Variants in RPGRIP1 observed in about 807,000 individuals in gnomAD.
RPGRIP1 encodes RPGR interacting protein 1, also known as X-linked retinitis pigmentosa GTPase regulator-interacting protein 1.
Under a neutral mutation model 157.9 loss-of-function variants are expected in RPGRIP1, and 128 were observed. That is an observed-to-expected ratio of 0.81 (90% confidence interval 0.70 to 0.94). RPGRIP1 has a LOEUF of 0.94. Among genes scored for constraint, RPGRIP1 ranks in the 40% least tolerant of loss-of-function variants. RPGRIP1 has a pLI of 0.00. For missense variants in RPGRIP1, 1,486 were observed against 1,545.8 expected (o/e 0.96, Z 0.65); for synonymous variants, 554 against 571.6 (o/e 0.97, Z 0.44).
chr14:21,319,932 G>A, intron 11 of RPGRIP1, 85 bp from the exon 12 acceptor site: 1 of 1,236,196 alleles, frequency 8.1e-7, no homozygotes, highest in East Asian at 2.5e-5. Context: ...ACCTTAGTGG[G>A]AAGATTAAAT....
chr14:21,281,867 G>A (rs1032082366), intron 1 of RPGRIP1, among the ~76,000 whole-genome samples: 1 of 151,838 alleles, frequency 6.6e-6, no homozygotes, highest in Non-Finnish European at 1.5e-5. Context: ...GACCGAGGCT[G>A]GCGGATCCCA....
intron 19 of RPGRIP1, among the ~76,000 whole-genome samples, chr14:21,329,119 G>A (rs895863770): frequency 7.6e-6 from 1 of 131,586 alleles, no homozygotes; most frequent in Non-Finnish European, 1.5e-5. Context: ...ACTCCAGCCT[G>A]AGCAACAAGT....
rs538060172 is a variant in RPGRIP1, at chr14:21,281,695, A to T, written c.-39+1536A>T. Among the ~76,000 whole-genome samples, 316 of 111,816 alleles carry T rather than the reference A, an allele frequency of 2.8e-3. 1 individual carries two copies. Among genetic ancestry groups the T allele is most frequent in the Non-Finnish European group, 4.4e-3 (238 of 54,198 alleles). 73.4% of individuals were successfully genotyped at this position (111,816 alleles called of 152,430 possible). On this transcript the variant is annotated intron_variant, in intron 1 of 24. Transcript: ENST00000400017. Reference sequence around the variant, plus strand: ...CAGAGTGAGACCTTGTCTCAAAAAAAAAAAAAATAAATAATAATAATAATA... The same window carrying T: ...CAGAGTGAGACCTTGTCTCAAAAAATAAAAAAATAAATAATAATAATAATA...
In RPGRIP1 at chr14:21,351,141, G is replaced by A. The variant is rs1479887241; in HGVS notation, c.3786G>A (p.Arg1262=). The change falls in exon 25 of 25, where the codon AGG becomes AGA. Residue 1262 remains arginine, a synonymous_variant. Transcript: ENST00000400017. ...SPEDLATPIG[R]LKVSLQAAAV... is the part of the protein sequence containing the mutation. ...AAGATCTGGCTACCCCAATAGGAAG[G>A]CTGAAGGTTTCCCTTCAAGCAGCTG... 2 of 1,612,362 alleles carry A rather than the reference G, an allele frequency of 1.2e-6. No individual in the cohort carries two copies. Among genetic ancestry groups the A allele is most frequent in the Non-Finnish European group, 1.7e-6 (2 of 1,179,132 alleles).
intron 3 of RPGRIP1, among the ~76,000 whole-genome samples, chr14:21,295,722 T>A (rs1443845634): frequency 2.0e-5 from 3 of 151,952 alleles, no homozygotes; most frequent in African/African-American, 4.8e-5. Flanking sequence ...GTGATCCGCC[T>A]GCCTCGGCCT....
intron 2 of RPGRIP1, 86 bp downstream of exon 2, chr14:21,288,147 A>G: frequency 1.3e-6 from 1 of 763,230 alleles, no homozygotes; most frequent in South Asian, 1.5e-5. Flanking sequence ...ACAGAGACTG[A>G]TTTACTTTCA....
Position 21,327,827 on chromosome 14 carries a change from C to T in RPGRIP1, c.2895+20C>T. The T allele has an allele frequency of 6.5e-7, 1 of 1,544,426 alleles. No homozygotes were observed. Among genetic ancestry groups the T allele is most frequent in the Non-Finnish European group, 8.8e-7 (1 of 1,142,806 alleles). On this transcript the variant is annotated intron_variant, in intron 18 of 24. Transcript: ENST00000400017. ...TCCCAGGTAACTCTCCAGGACTCCA[C>T]AGGTAGCAGATCTCTGCCAATCCTA... is the stretch of plus-strand genomic sequence containing the variant.
chr14:21,350,391 A>AAAAACAAAC (rs1555307775), intron 24 of RPGRIP1, among the ~76,000 whole-genome samples: 2 of 142,790 alleles, frequency 1.4e-5, no homozygotes, highest in Non-Finnish European at 1.5e-5. Context: ...AAAAAAAAAA[A>AAAAACAAAC]AAAAAGAAAA....
intron 23 of RPGRIP1, among the ~76,000 whole-genome samples, chr14:21,345,630 C>T (rs569442070): frequency 6.6e-6 from 1 of 152,082 alleles, no homozygotes; most frequent in African/African-American, 2.4e-5. Context: ...GTCTTGAACT[C>T]CTGCGCTCAA....
Position 21,302,600 on chromosome 14 carries a change from T to G in RPGRIP1, c.587+16T>G. 7.0e-7 allele frequency: 1 copy of G among 1,437,496 alleles called. No homozygotes were observed. The highest frequency in any genetic ancestry group is 1.3e-5 in the South Asian group (1 of 77,478). 89.0% of individuals were successfully genotyped at this position (1,437,496 alleles called of 1,614,324 possible). ...CCAGTGAACTGTGAGTTCTTCTCATTTATCCCATGTTGTTATTCCTGCCAC... is the reference window on the plus strand; with the variant it reads ...CCAGTGAACTGTGAGTTCTTCTCATGTATCCCATGTTGTTATTCCTGCCAC... On this transcript the variant is annotated intron_variant, in intron 5 of 24. Coordinates refer to ENST00000400017, the MANE Select transcript of RPGRIP1 (RefSeq NM_020366.4).
chr14:21,326,370 G>C (rs1475434784), intron 17 of RPGRIP1, among the ~76,000 whole-genome samples, 197 bp downstream of exon 17: 1 of 152,174 alleles, frequency 6.6e-6, no homozygotes, highest in African/African-American at 2.4e-5. Context: ...GGCTTCTTCT[G>C]CTTCTTTTCA....
intron 21 of RPGRIP1, among the ~76,000 whole-genome samples, chr14:21,338,687 G>A (rs1884661326): frequency 1.3e-5 from 2 of 152,154 alleles, no homozygotes; most frequent in East Asian, 1.9e-4. Context: ...TGTCAGTTCT[G>A]TATAGTCCAA....
At position 21,290,292 on chromosome 14, in the gene RPGRIP1, G is replaced by A. The variant is rs539380930; in HGVS notation, c.85+2231G>A. Among the ~76,000 whole-genome samples, 3 of 152,302 alleles carry A rather than the reference G, an allele frequency of 2.0e-5. No individual in the cohort carries two copies. In the South Asian group the frequency reaches 6.2e-4, roughly 32 times the overall value. ...ACCATTTTACATTCCTACCAGCAAC[G>A]TATGATGCTTCTGATTTCTTCACTT... On this transcript the variant is annotated intron_variant, in intron 2 of 24. Transcript: ENST00000400017.
Position 21,321,935 on chromosome 14 carries a change from C to T in RPGRIP1, c.1693C>T (p.Leu565=). The T allele has an allele frequency of 6.2e-7, 1 of 1,613,678 alleles. No individual in the cohort carries two copies. The highest frequency in any genetic ancestry group is 8.5e-7 in the Non-Finnish European group (1 of 1,179,676). The change falls in exon 14 of 25, where the codon CTA becomes TTA. Residue 565 remains leucine, a synonymous_variant. Transcript: ENST00000400017. ...KEKLERLTRL[L]DLKNNRIKQL... ...AAAGCTGGAGAGGTTGACTCGACTA[C>T]TAGACCTCAAGAATAACCGTATCAA...
chr14:21,317,239 T>C (rs548578133), intron 10 of RPGRIP1, among the ~76,000 whole-genome samples: 13 of 152,284 alleles, frequency 8.5e-5, no homozygotes, highest in African/African-American at 2.6e-4. Flanking sequence ...AAAGTTTAAT[T>C]CCCGCCCTTC....
At chr14:21,323,310 T>C (rs1427137263) in intron 14 of RPGRIP1, among the ~76,000 whole-genome samples, 4 of 151,702 alleles carry the variant, frequency 2.6e-5, no homozygotes, top group Non-Finnish European at 4.4e-5. Flanking sequence ...TAACCCCAGA[T>C]ACTTAGGAGG....
chr14:21,296,334 T>G, intron 3 of RPGRIP1, among the ~76,000 whole-genome samples: 1 of 151,778 alleles, frequency 6.6e-6, no homozygotes, highest in East Asian at 1.9e-4. Context: ...CCCAAAGCGC[T>G]AGGATTACAG....
In RPGRIP1 at chr14:21,324,004, G is replaced by A. The variant is rs116830621; in HGVS notation, c.1763-614G>A. 578 of 156,888 alleles carry A rather than the reference G, an allele frequency of 3.7e-3. 6 individuals carry two copies. The highest frequency in any genetic ancestry group is 0.013 in the African/African-American group (533 of 41,572). The allele number at this position is 156,888 out of a possible 1,614,324, so 9.7% of individuals were successfully genotyped here. A position where few individuals can be genotyped will look rare whatever the true frequency, so the allele number is the denominator to read the frequency against. Reference sequence around the variant, plus strand: ...TGTCTACCTATCTTTGCGTCCCACTGCCAATATTTCCTACCTCTTTCCAGT... The same window carrying A: ...TGTCTACCTATCTTTGCGTCCCACTACCAATATTTCCTACCTCTTTCCAGT... On this transcript the variant is annotated intron_variant, in intron 14 of 24. Coordinates refer to ENST00000400017, the MANE Select transcript of RPGRIP1 (RefSeq NM_020366.4).
chr14:21,350,239 C>A (rs990924933), intron 24 of RPGRIP1, among the ~76,000 whole-genome samples: 7 of 152,000 alleles, frequency 4.6e-5, no homozygotes, highest in African/African-American at 1.7e-4. Flanking sequence ...ATTAGCCAGG[C>A]ATGGCGGCGG....
Sources: gnomAD v4.1 joint callset for allele counts (sites outside exome capture counted in the v4.1 genomes callset) on GRCh38, gnomAD v4.1.1 for gene constraint, MANE v1.5 for transcripts, NCBI Gene and HGNC (gene_info 2026-07-23, HGNC 2026-07-21) for gene names.